The following CRYBG1 variants were observed in gnomAD, a reference collection of about 807,000 sequenced individuals.
The protein encoded by CRYBG1 is beta/gamma crystallin domain-containing protein 1.
In CRYBG1, 139 loss-of-function variants were observed where a neutral mutation model predicts 189.2. The observed-to-expected ratio is 0.73, with a 90% CI of 0.64 to 0.85. The LOEUF is 0.85. CRYBG1 is among the 40% of genes least tolerant of loss of function. The pLI is 0.00. For missense variants in CRYBG1, 2,611 were observed against 2,675.8 expected (o/e 0.98, Z 0.53); for synonymous variants, 1,023 against 1,017.1 (o/e 1.01, Z -0.11).
intron 8 of CRYBG1, among the ~76,000 whole-genome samples, chr6:106,531,729 A>G (rs1773879250): frequency 6.6e-6 from 1 of 152,164 alleles, no homozygotes. Flanking sequence ...GTACACTTAA[A>G]CAAATAAAGT....
intron 2 of CRYBG1, among the ~76,000 whole-genome samples, chr6:106,478,634 C>T (rs1172124808): frequency 2.0e-5 from 3 of 152,176 alleles, no homozygotes; most frequent in African/African-American, 7.2e-5. Flanking sequence ...GATCAGGGGC[C>T]CCCGACCCCT....
intron 3 of CRYBG1, among the ~76,000 whole-genome samples, chr6:106,515,877 C>T (rs950933205): frequency 1.3e-5 from 2 of 151,556 alleles, no homozygotes; most frequent in Admixed American, 6.6e-5. Flanking sequence ...ACTGCAGTCT[C>T]GACCTCCCCC....
chr6:106,404,688 A>G (rs1770789862), intron 1 of CRYBG1, among the ~76,000 whole-genome samples: 1 of 152,176 alleles, frequency 6.6e-6, no homozygotes, highest in Non-Finnish European at 1.5e-5. Flanking sequence ...TACCTGGCTT[A>G]TCTCACTGGG....
chr6:106,497,557 G>A (rs1054731094), intron 2 of CRYBG1, among the ~76,000 whole-genome samples: 21 of 152,160 alleles, frequency 1.4e-4, no homozygotes, highest in African/African-American at 4.1e-4. Flanking sequence ...TCATGTTTAC[G>A]TGTGTGTGCA....
At chr6:106,491,206 C>T (rs574314251) in intron 2 of CRYBG1, among the ~76,000 whole-genome samples, 3 of 152,296 alleles carry the variant, frequency 2.0e-5, no homozygotes, top group African/African-American at 7.2e-5. Context: ...ACAAAGGCTC[C>T]TCAGCATGAG....
chr6:106,403,418 G>A (rs775897441), intron 1 of CRYBG1, among the ~76,000 whole-genome samples: 11 of 152,180 alleles, frequency 7.2e-5, no homozygotes, highest in Non-Finnish European at 1.2e-4. Flanking sequence ...TCCGCGTTGT[G>A]GGATCATGGG....
chr6:106,395,374 TTCC>T (rs1444214873), intron 1 of CRYBG1, among the ~76,000 whole-genome samples: 4 of 152,128 alleles, frequency 2.6e-5, no homozygotes, highest in East Asian at 1.9e-4. Context: ...TTATATTTGC[TTCC>T]TCCTCATTTG....
chr6:106,552,126 CT>C, intron 14 of CRYBG1, 57 bp from the exon 15 acceptor site: 1 of 1,505,510 alleles, frequency 6.6e-7, no homozygotes, highest in Non-Finnish European at 9.1e-7. Context: ...AAGAAAAAAA[CT>C]TTTTCAATGT....
chr6:106,563,854 C>T lies in CRYBG1; in HGVS notation c.6229C>T (p.Gln2077Ter). Residue 2077 changes from glutamine to a stop codon, truncating the protein, a stop_gained, in exon 21 of 22, where the codon CAG becomes TAG. Coordinates refer to ENST00000633556, the MANE Select transcript of CRYBG1 (RefSeq NM_001371242.2). LOFTEE classifies it high-confidence loss of function. ...GLALDQNADS[Q>*]FWSLKSDGRI... ...GGCCCTGGACCAGAATGCTGACAGC[C>T]AGTTCTGGAGCTTGAAGTCCGATGG... 6.2e-7 allele frequency: 1 copy of T among 1,613,764 alleles called. No individual in the cohort carries two copies. The highest frequency in any genetic ancestry group is 8.5e-7 in the Non-Finnish European group (1 of 1,179,700).
chr6:106,458,111 A>C (rs928866531), intron 2 of CRYBG1, among the ~76,000 whole-genome samples: 16 of 152,232 alleles, frequency 1.1e-4, no homozygotes, highest in African/African-American at 3.6e-4. Flanking sequence ...CTATGCAGAA[A>C]TTTTCTGAAG....
chr6:106,512,547 G>A lies in CRYBG1; in HGVS notation c.1430G>A (p.Gly477Asp), dbSNP rs1181351071. The A allele has an allele frequency of 2.5e-6, 4 of 1,607,914 alleles. No homozygotes were observed. The highest frequency in any genetic ancestry group is 3.4e-6 in the Non-Finnish European group (4 of 1,177,728). The change falls in exon 3 of 22, where the codon GGC becomes GAC. Residue 477 changes from glycine to aspartate, a missense_variant. This residue lies in a region of CRYBG1 where 985 missense variants were observed against 924.4 expected (regional missense o/e 1.07). Transcript: ENST00000633556. Reference sequence around the variant, plus strand: ...TCTCCGCGGGCAGCCCTCGACGGGGGCGTTGCCTCCGCTGCGAGCCCAGAG... The same window carrying A: ...TCTCCGCGGGCAGCCCTCGACGGGGACGTTGCCTCCGCTGCGAGCCCAGAG... ...VKSPRAALDG[G>D]VASAASPESK... is the part of the protein sequence containing the mutation.
Position 106,527,445 on chromosome 6 carries a change from T to C in CRYBG1, c.4553T>C (p.Ile1518Thr), listed in dbSNP as rs754949888. 7.9e-5 allele frequency: 127 copies of C among 1,612,378 alleles called. No homozygotes were observed. The highest frequency in any genetic ancestry group is 9.6e-5 in the Non-Finnish European group (113 of 1,178,946). ...GCAGAGTCTGATAAGCCAGTGGTGA[T>C]TGGTTCCATCAGACATGTGGTTCAG... ...EEAESDKPVVIGSIRHVVQDY... is the reference protein window; with the variant it reads ...EEAESDKPVVTGSIRHVVQDY... Residue 1518 changes from isoleucine (I) to threonine (T), a missense_variant, in exon 7 of 22, where the codon ATT (isoleucine) becomes ACT (threonine). Ile to Thr is a moderately conservative substitution (Grantham distance 89, BLOSUM62 -1). This residue lies in a region of CRYBG1 where 1,622 missense variants were observed against 1,735.0 expected (regional missense o/e 0.93). Coordinates refer to ENST00000633556, the MANE Select transcript of CRYBG1 (RefSeq NM_001371242.2).
In CRYBG1 at chr6:106,400,617, T is replaced by C. The variant is rs548824065; in HGVS notation, c.173+39536T>C. Among the ~76,000 whole-genome samples, 7 of 152,276 alleles carry C rather than the reference T, an allele frequency of 4.6e-5. No individual in the cohort carries two copies. In the South Asian group the frequency reaches 1.2e-3, roughly 27 times the overall value. On this transcript the variant is annotated intron_variant, in intron 1 of 21. Transcript: ENST00000633556. ...AAAGGGAGACTCTATAAATATTCAG[T>C]AAATCTTCATAGTATACAGAATAAA...
At chr6:106,485,917 C>T (rs1308355414) in intron 2 of CRYBG1, among the ~76,000 whole-genome samples, 1 of 152,126 alleles carries the variant, frequency 6.6e-6, no homozygotes, top group Admixed American at 6.5e-5. Flanking sequence ...GGGATACTGA[C>T]CTGCAGTTTA....
At chr6:106,557,420 T>G (rs76270025) in intron 17 of CRYBG1, among the ~76,000 whole-genome samples, 1 of 151,980 alleles carries the variant, frequency 6.6e-6, no homozygotes, top group Non-Finnish European at 1.5e-5. Flanking sequence ...TTTTTTTTTT[T>G]TTGAAATGGA....
At chr6:106,439,666 T>A (rs1487630090) in intron 1 of CRYBG1, among the ~76,000 whole-genome samples, 2 of 152,008 alleles carry the variant, frequency 1.3e-5, no homozygotes, top group Non-Finnish European at 1.5e-5. Context: ...GTTTAGTGAC[T>A]CAACTCTCTC....
chr6:106,568,137 G>A (rs562454695), intron 21 of CRYBG1, among the ~76,000 whole-genome samples: 6 of 147,434 alleles, frequency 4.1e-5, no homozygotes, highest in African/African-American at 1.0e-4. Context: ...CCCTTCTCTC[G>A]GGTTTTCCCA....
At chr6:106,419,067 G>C (rs1378014863) in intron 1 of CRYBG1, among the ~76,000 whole-genome samples, 6 of 152,118 alleles carry the variant, frequency 3.9e-5, no homozygotes, top group Non-Finnish European at 1.5e-5. Context: ...GCCCCTTACT[G>C]TACACATGGT....
At chr6:106,458,770 A>C (rs1364599079) in intron 2 of CRYBG1, among the ~76,000 whole-genome samples, 1 of 152,194 alleles carries the variant, frequency 6.6e-6, no homozygotes, top group Non-Finnish European at 1.5e-5. Flanking sequence ...CCAGAGCATG[A>C]TACCACCCTT....
Sources: gnomAD v4.1 joint callset for allele counts (sites outside exome capture counted in the v4.1 genomes callset) on GRCh38, gnomAD v4.1.1 for gene constraint, gnomAD v4.1.1 regional missense constraint, MANE v1.5 for transcripts, NCBI Gene and HGNC (gene_info 2026-07-23, HGNC 2026-07-21) for gene names.